RNGTT: variants seen among roughly 807,000 people sequenced by gnomAD.
RNGTT encodes RNA guanylyltransferase and 5'-phosphatase, also known as mRNA-capping enzyme.
RNGTT carries 33 observed loss-of-function variants against 79.3 expected under a neutral mutation model. The observed-to-expected ratio is 0.42, with a 90% CI of 0.32 to 0.56. The LOEUF (loss-of-function observed/expected upper bound fraction) is 0.56, where lower values mean the gene tolerates loss of function less well. Among genes scored for constraint, RNGTT ranks in the 20% least tolerant of loss-of-function variants. The pLI is 0.17. For missense variants in RNGTT, 497 were observed against 739.1 expected (o/e 0.67, Z 3.80); for synonymous variants, 222 against 235.9 (o/e 0.94, Z 0.54).
At chr6:88,799,544 C>A (rs1248533720) in intron 12 of RNGTT, among the ~76,000 whole-genome samples, 4 of 151,546 alleles carry the variant, frequency 2.6e-5, no homozygotes, top group Non-Finnish European at 4.4e-5. Flanking sequence ...ACTAAAAATA[C>A]AAAAAATTAG....
intron 9 of RNGTT, among the ~76,000 whole-genome samples, chr6:88,852,091 G>A (rs1436694003): frequency 3.9e-5 from 6 of 152,066 alleles, no homozygotes; most frequent in Non-Finnish European, 5.9e-5. Flanking sequence ...CTAACTAGAT[G>A]TGATTTATTT....
At chr6:88,929,619 C>T (rs10944414) in intron 2 of RNGTT, among the ~76,000 whole-genome samples, 10,083 of 152,058 alleles carry the variant, frequency 0.066, 601 homozygotes, top group African/African-American at 0.15. Flanking sequence ...ATTTATTAGA[C>T]AAGAGGCTAG....
chr6:88,643,248 T>A (rs1345814637), intron 14 of RNGTT, among the ~76,000 whole-genome samples: 2 of 152,180 alleles, frequency 1.3e-5, no homozygotes, highest in Non-Finnish European at 2.9e-5. Context: ...GCATAAATCC[T>A]ATTTTATAAC....
At chr6:88,623,644 C>T (rs1772520368) in intron 14 of RNGTT, among the ~76,000 whole-genome samples, 1 of 152,046 alleles carries the variant, frequency 6.6e-6, no homozygotes, top group South Asian at 2.1e-4. Context: ...AAACTGGTCT[C>T]TTTTGTATTT....
At chr6:88,824,836 G>C (rs1416993661) in intron 11 of RNGTT, among the ~76,000 whole-genome samples, 1 of 150,108 alleles carries the variant, frequency 6.7e-6, no homozygotes, top group East Asian at 2.0e-4. Context: ...ACTGCAACCT[G>C]GGTCCAAGAG....
intron 13 of RNGTT, among the ~76,000 whole-genome samples, chr6:88,745,230 G>A (rs1562230341): frequency 1.3e-5 from 2 of 152,206 alleles, no homozygotes; most frequent in Admixed American, 6.5e-5. Flanking sequence ...CCAGTAATGA[G>A]ACATATCTAT....
intron 13 of RNGTT, among the ~76,000 whole-genome samples, chr6:88,689,178 A>G (rs902102501): frequency 6.6e-6 from 1 of 152,292 alleles, no homozygotes; most frequent in South Asian, 2.1e-4. Context: ...GTGGTGGCTC[A>G]CATCTATAAT....
At chr6:88,758,783 G>C (rs995246356) in intron 13 of RNGTT, among the ~76,000 whole-genome samples, 1 of 152,138 alleles carries the variant, frequency 6.6e-6, no homozygotes, top group Admixed American at 6.5e-5. Flanking sequence ...TCCACAGAAA[G>C]ACATTTACAA....
At chr6:88,706,031 C>T (rs924779164) in intron 13 of RNGTT, among the ~76,000 whole-genome samples, 2 of 152,110 alleles carry the variant, frequency 1.3e-5, no homozygotes, top group South Asian at 2.1e-4. Context: ...GAGATCCCAA[C>T]AATAAAGAGA....
chr6:88,712,173 C>A (rs9359807), intron 13 of RNGTT, among the ~76,000 whole-genome samples: 17,967 of 152,184 alleles, frequency 0.12, 1,176 homozygotes, highest in Middle Eastern at 0.23. Flanking sequence ...TAAAACACTT[C>A]ATTACACACT....
chr6:88,910,667 C>A (rs771407959), intron 4 of RNGTT, among the ~76,000 whole-genome samples: 5 of 152,068 alleles, frequency 3.3e-5, no homozygotes, highest in Non-Finnish European at 5.9e-5. Context: ...CTATACAAAA[C>A]GACCATCATC....
chr6:88,899,128 A>G (rs1783359193), intron 6 of RNGTT, among the ~76,000 whole-genome samples: 1 of 152,032 alleles, frequency 6.6e-6, no homozygotes, highest in Non-Finnish European at 1.5e-5. Flanking sequence ...AAAACTACCA[A>G]AAGGCATAAG....
At position 88,912,831 on chromosome 6, in the gene RNGTT, G is replaced by A. The variant is rs117395621; in HGVS notation, c.368-6391C>T. On this transcript the variant is annotated intron_variant, in intron 4 of 15. Transcript: ENST00000369485. ...CCTGGAAACACACAACTTCACAACT[G>A]AAGAAGGAAGAAACTGAAACCCTGG... Among the ~76,000 whole-genome samples the A allele has an allele frequency of 7.5e-3, 1,135 of 152,156 alleles. 7 individuals carry two copies. Among genetic ancestry groups the A allele is most frequent in the Admixed American group, 0.011 (161 of 15,290 alleles).
chr6:88,948,196 C>CA (rs1162667921), intron 1 of RNGTT, among the ~76,000 whole-genome samples: 2 of 28,826 alleles, frequency 6.9e-5, no homozygotes. Flanking sequence ...GGTCAGCCCC[C>CA]CCGCCCGGCC....
chr6:88,720,710 C>T (rs1257978590), intron 13 of RNGTT, among the ~76,000 whole-genome samples: 1 of 151,964 alleles, frequency 6.6e-6, no homozygotes, highest in South Asian at 2.1e-4. Context: ...AAAGTACTAT[C>T]GAACAGATTA....
chr6:88,784,635 C>A (rs999551330), intron 12 of RNGTT, among the ~76,000 whole-genome samples: 7 of 152,078 alleles, frequency 4.6e-5, no homozygotes, highest in Admixed American at 6.6e-5. Flanking sequence ...TGAACTTGGA[C>A]AACAAAAGGA....
intron 2 of RNGTT, among the ~76,000 whole-genome samples, chr6:88,934,502 T>C (rs1784607093): frequency 6.6e-6 from 1 of 152,226 alleles, no homozygotes; most frequent in South Asian, 2.1e-4. Context: ...TTGCCCACTT[T>C]TTAATGGGAT....
intron 14 of RNGTT, among the ~76,000 whole-genome samples, chr6:88,671,614 A>C (rs573077071): frequency 2.7e-3 from 417 of 152,318 alleles, no homozygotes; most frequent in Non-Finnish European, 5.2e-3. Context: ...CCTAAAAGTC[A>C]TATGGAATAA....
intron 13 of RNGTT, among the ~76,000 whole-genome samples, chr6:88,715,755 C>T (rs928506657): frequency 6.6e-6 from 1 of 152,132 alleles, no homozygotes; most frequent in African/African-American, 2.4e-5. Context: ...GAAAAACTGG[C>T]TAGCCATATG....
Sources: allele counts gnomAD v4.1 joint callset (sites outside exome capture counted in the v4.1 genomes callset), GRCh38; gene constraint gnomAD v4.1.1; transcripts MANE v1.5; gene names NCBI Gene and HGNC (gene_info 2026-07-23, HGNC 2026-07-21).